PIBF1: variants seen among roughly 807,000 people sequenced by gnomAD.
The protein encoded by PIBF1 is progesterone immunomodulatory binding factor 1, also known as progesterone-induced-blocking factor 1.
A neutral mutation model predicts 112.5 loss-of-function variants in PIBF1; 90 were observed. That is an observed-to-expected ratio of 0.80 (90% CI 0.67 to 0.95). The LOEUF is 0.95. Ranked by LOEUF, PIBF1 falls within the 40% of genes least tolerant of loss-of-function variation. The pLI is 0.00. For synonymous variants in PIBF1, 301 were observed against 288.6 expected (o/e 1.04, Z -0.44); for missense variants, 915 against 852.3 (o/e 1.07, Z -0.92).
chr13:72,795,790 C>T (rs1424981867), intron 4 of PIBF1, among the ~76,000 whole-genome samples: 3 of 152,034 alleles, frequency 2.0e-5, no homozygotes, highest in Non-Finnish European at 2.9e-5. Flanking sequence ...AATGAATTAT[C>T]GTAAACTGGT....
intron 1 of PIBF1, 29 bp from the exon 2 acceptor site, chr13:72,783,394 C>CA: frequency 1.0e-6 from 1 of 965,746 alleles, no homozygotes; most frequent in Non-Finnish European, 1.6e-6. Flanking sequence ...TTTTATAGTA[C>CA]ATTTGAATTA....
chr13:72,963,724 C>T (rs1175298867), intron 14 of PIBF1, among the ~76,000 whole-genome samples: 1 of 152,124 alleles, frequency 6.6e-6, no homozygotes, highest in Non-Finnish European at 1.5e-5. Context: ...AGAACTCCTA[C>T]AACTCAGCAA....
chr13:73,000,041 AAAAAT>A (rs531299043), intron 17 of PIBF1, among the ~76,000 whole-genome samples: 122 of 152,360 alleles, frequency 8.0e-4, no homozygotes, highest in Admixed American at 1.4e-3. Flanking sequence ...CTCTGCCTCA[AAAAAT>A]AAAATAAAAT....
chr13:72,945,028 TCAAC>T, intron 14 of PIBF1, among the ~76,000 whole-genome samples: 1 of 152,274 alleles, frequency 6.6e-6, no homozygotes, highest in South Asian at 2.1e-4. Context: ...CAATAGTTTT[TCAAC>T]CCTTGGCCCC....
chr13:72,986,210 G>C (rs2043284120), intron 16 of PIBF1, among the ~76,000 whole-genome samples: 1 of 151,988 alleles, frequency 6.6e-6, no homozygotes, highest in Admixed American at 6.6e-5. Flanking sequence ...AAAAAGTTAA[G>C]ACCAGAAACT....
intron 14 of PIBF1, among the ~76,000 whole-genome samples, chr13:72,933,732 T>G (rs2041781429): frequency 6.6e-6 from 1 of 152,186 alleles, no homozygotes; most frequent in Non-Finnish European, 1.5e-5. Flanking sequence ...ATGTAAGAAA[T>G]TAAGTGTTAA....
At chr13:72,818,041 A>C (rs1253104384) in intron 5 of PIBF1, among the ~76,000 whole-genome samples, 1 of 148,012 alleles carries the variant, frequency 6.8e-6, no homozygotes, top group Middle Eastern at 3.3e-3. Flanking sequence ...TATGGTGTTT[A>C]TATTTAAAGG....
chr13:72,844,343 T>G (rs1002638212), intron 9 of PIBF1, among the ~76,000 whole-genome samples: 2 of 152,320 alleles, frequency 1.3e-5, no homozygotes, highest in Admixed American at 1.3e-4. Context: ...AAATTCTGTC[T>G]TTTTTTATTA....
intron 3 of PIBF1, among the ~76,000 whole-genome samples, chr13:72,794,314 T>G (rs1384525259): frequency 6.6e-6 from 1 of 151,978 alleles, no homozygotes; most frequent in Non-Finnish European, 1.5e-5. Context: ...AGACAACTTT[T>G]GAGCAAGCTT....
chr13:72,787,940 C>T (rs2034690625), intron 2 of PIBF1, among the ~76,000 whole-genome samples: 1 of 152,164 alleles, frequency 6.6e-6, no homozygotes, highest in African/African-American at 2.4e-5. Context: ...TGTGAAGCCA[C>T]TGCACCCAGC....
At chr13:72,820,215 A>G (rs1300127225) in intron 5 of PIBF1, among the ~76,000 whole-genome samples, 3 of 152,160 alleles carry the variant, frequency 2.0e-5, no homozygotes, top group Non-Finnish European at 4.4e-5. Context: ...ACTAACGTGC[A>G]CAGAGTCTTA....
intron 11 of PIBF1, among the ~76,000 whole-genome samples, chr13:72,895,467 GA>G (rs1437311502): frequency 1.3e-5 from 2 of 150,236 alleles, no homozygotes; most frequent in Non-Finnish European, 3.0e-5. Context: ...AAATAAGTGG[GA>G]AAAAAAAGGA....
intron 2 of PIBF1, among the ~76,000 whole-genome samples, chr13:72,791,327 T>G (rs1190728675): frequency 2.0e-5 from 3 of 152,176 alleles, no homozygotes; most frequent in Non-Finnish European, 2.9e-5. Flanking sequence ...GTGCTGGGAT[T>G]ACAGGTGTGA....
chr13:72,991,326 G>A (rs1360956742), intron 16 of PIBF1, among the ~76,000 whole-genome samples: 1 of 152,114 alleles, frequency 6.6e-6, no homozygotes, highest in Non-Finnish European at 1.5e-5. Flanking sequence ...GAACATCCTT[G>A]CCCTTAACTC....
chr13:72,822,678 TGTA>T (rs570130158), intron 6 of PIBF1, among the ~76,000 whole-genome samples: 77 of 152,350 alleles, frequency 5.1e-4, no homozygotes, highest in Middle Eastern at 3.4e-3. Flanking sequence ...ATTCTTAAAA[TGTA>T]GTAGTCAGTG....
chr13:72,973,764 A>T (rs1306043461), intron 16 of PIBF1, 89 bp downstream of exon 16: 7 of 689,070 alleles, frequency 1.0e-5, no homozygotes, highest in Middle Eastern at 2.5e-4. Context: ...CCAGTTGTGC[A>T]TGTTCATTAA....
chr13:72,803,911 A>G (rs1210430163), intron 5 of PIBF1, among the ~76,000 whole-genome samples: 1 of 152,194 alleles, frequency 6.6e-6, no homozygotes, highest in Non-Finnish European at 1.5e-5. Context: ...AATTTATGAA[A>G]GTGCTAAATG....
At chr13:72,831,321 T>G (rs1317775363) in intron 8 of PIBF1, among the ~76,000 whole-genome samples, 1 of 152,216 alleles carries the variant, frequency 6.6e-6, no homozygotes, top group African/African-American at 2.4e-5. Context: ...TGAATTTGTT[T>G]GCTGTTGCTT....
At chr13:72,796,675 A>G (rs2035217423) in intron 4 of PIBF1, among the ~76,000 whole-genome samples, 1 of 151,052 alleles carries the variant, frequency 6.6e-6, no homozygotes, top group African/African-American at 2.4e-5. Context: ...TAAAAGGCTC[A>G]AATACAGCTT....
Sources: gnomAD v4.1 joint callset for allele counts (sites outside exome capture counted in the v4.1 genomes callset) on GRCh38, gnomAD v4.1.1 for gene constraint, MANE v1.5 for transcripts, NCBI Gene and HGNC (gene_info 2026-07-23, HGNC 2026-07-21) for gene names.